The following FBXW7 variants were observed in gnomAD, a reference collection of about 807,000 sequenced individuals.
FBXW7 encodes the protein F-box and WD repeat domain containing 7, also known as F-box/WD repeat-containing protein 7.
In FBXW7, 11 loss-of-function variants were observed where a neutral mutation model predicts 86.3. The ratio of observed to expected loss-of-function variants is 0.13; its 90% CI spans 0.08 to 0.21. The LOEUF (loss-of-function observed/expected upper bound fraction) is 0.21, where lower values mean the gene tolerates loss of function less well. FBXW7 is among the 10% of genes least tolerant of loss of function. The probability of loss-of-function intolerance (pLI) is 1.00; values close to 1 mark genes in which losing one functional copy is unlikely to be tolerated. For missense variants in FBXW7, 488 were observed against 847.4 expected (o/e 0.58, Z 5.27); for synonymous variants, 313 against 297.9 (o/e 1.05, Z -0.52).
At chr4:152,434,924 A>G (rs1393346414) in intron 2 of FBXW7, among the ~76,000 whole-genome samples, 1 of 149,082 alleles carries the variant, frequency 6.7e-6, no homozygotes, top group Admixed American at 6.7e-5. Context: ...AGGGGTTCCT[A>G]ATTCTCTGTT....
At chr4:152,325,652 C>A in intron 12 of FBXW7, 1 of 206,272 alleles carries the variant, frequency 4.8e-6, no homozygotes, top group Non-Finnish European at 9.9e-6. Flanking sequence ...AGCAAAGGGG[C>A]AGCTTTTGGC....
At chr4:152,523,037 G>C (rs1459456162) in intron 2 of FBXW7, among the ~76,000 whole-genome samples, 3 of 152,182 alleles carry the variant, frequency 2.0e-5, no homozygotes, top group Non-Finnish European at 4.4e-5. Flanking sequence ...AGTGACAATT[G>C]AAAGTTCACA....
At chr4:152,425,161 T>G (rs1222714159) in intron 2 of FBXW7, among the ~76,000 whole-genome samples, 1 of 152,258 alleles carries the variant, frequency 6.6e-6, no homozygotes, top group African/African-American at 2.4e-5. Context: ...TATGACAGTG[T>G]CAGCTTCCTC....
intron 2 of FBXW7, among the ~76,000 whole-genome samples, chr4:152,516,541 AAACT>A (rs1415524084): frequency 1.3e-5 from 2 of 152,224 alleles, no homozygotes; most frequent in East Asian, 3.8e-4. Context: ...GAGCGATGGA[AAACT>A]AATACCATAC....
At chr4:152,409,961 T>A (rs548767111) in intron 4 of FBXW7, among the ~76,000 whole-genome samples, 1 of 152,166 alleles carries the variant, frequency 6.6e-6, no homozygotes, top group Middle Eastern at 3.2e-3. Context: ...AAATTTTACA[T>A]CTTGAAGGTA....
At chr4:152,375,337 C>T (rs1560821918) in intron 4 of FBXW7, among the ~76,000 whole-genome samples, 2 of 151,942 alleles carry the variant, frequency 1.3e-5, no homozygotes, top group Admixed American at 6.6e-5. Context: ...AAAAATGAGA[C>T]AACCATAAGA....
At chr4:152,436,304 C>CA (rs773335821) in intron 2 of FBXW7, among the ~76,000 whole-genome samples, 2 of 151,994 alleles carry the variant, frequency 1.3e-5, no homozygotes, top group Non-Finnish European at 2.9e-5. Context: ...TTCCTTAGAC[C>CA]AAAGCTTTAT....
intron 11 of FBXW7, among the ~76,000 whole-genome samples, chr4:152,326,671 T>C (rs944308314): frequency 2.6e-5 from 4 of 152,134 alleles, no homozygotes; most frequent in Non-Finnish European, 5.9e-5. Context: ...TTAAATTTTC[T>C]TTATGTTCTT....
chr4:152,326,967 T>C (rs529866032), intron 11 of FBXW7, among the ~76,000 whole-genome samples: 2 of 152,074 alleles, frequency 1.3e-5, no homozygotes, highest in Non-Finnish European at 2.9e-5. Flanking sequence ...ACAATGGCTA[T>C]CCCTTAAACA....
intron 2 of FBXW7, among the ~76,000 whole-genome samples, chr4:152,501,583 G>C (rs1219800406): frequency 6.6e-6 from 1 of 152,156 alleles, no homozygotes; most frequent in Non-Finnish European, 1.5e-5. Flanking sequence ...TTTAGAAATT[G>C]TATATTCATC....
intron 2 of FBXW7, among the ~76,000 whole-genome samples, chr4:152,518,135 C>A (rs185866066): frequency 6.6e-6 from 1 of 151,958 alleles, no homozygotes; most frequent in African/African-American, 2.4e-5. Context: ...ATTACAGGCA[C>A]GCACCACCAC....
intron 4 of FBXW7, among the ~76,000 whole-genome samples, chr4:152,372,033 G>A (rs138333434): frequency 5.4e-4 from 82 of 151,806 alleles, no homozygotes; most frequent in Non-Finnish European, 1.1e-3. Flanking sequence ...TGGAAATACT[G>A]GGACAATTAA....
chr4:152,390,970 G>GA (rs1560839754), intron 4 of FBXW7, among the ~76,000 whole-genome samples: 1 of 151,848 alleles, frequency 6.6e-6, no homozygotes, highest in Non-Finnish European at 1.5e-5. Flanking sequence ...TACACTTATG[G>GA]AAACATAAAA....
rs2126463048 is a variant in FBXW7, at chr4:152,323,028, G to A, written c.1977C>T (p.Asn659=). ...TCCCCCCACTCTCCAATGTGACTAGGTTTCGAATAAATTCACCCGTTTTCA... is the reference window on the plus strand; with the variant it reads ...TCCCCCCACTCTCCAATGTGACTAGATTTCGAATAAATTCACCCGTTTTCA... ...WDLKTGEFIR[N]LVTLESGGSG... The change falls in exon 14 of 14, where the codon AAC becomes AAT. Residue 659 remains asparagine, a synonymous_variant. Transcript: ENST00000281708. 5 of 1,613,700 alleles carry A rather than the reference G, an allele frequency of 3.1e-6. No homozygotes were observed. Among genetic ancestry groups the A allele is most frequent in the Non-Finnish European group, 4.2e-6 (5 of 1,179,830 alleles).
At chr4:152,369,396 G>A (rs899801157) in intron 4 of FBXW7, among the ~76,000 whole-genome samples, 2 of 152,092 alleles carry the variant, frequency 1.3e-5, no homozygotes, top group Non-Finnish European at 1.5e-5. Flanking sequence ...TGAACTCCAC[G>A]AGGGTGATGG....
At chr4:152,488,379 G>C (rs1319061277) in intron 2 of FBXW7, among the ~76,000 whole-genome samples, 1 of 151,952 alleles carries the variant, frequency 6.6e-6, no homozygotes, top group South Asian at 2.1e-4. Context: ...CACTTCACTT[G>C]TCTAACATAA....
chr4:152,457,893 T>G (rs1433509760), intron 2 of FBXW7, among the ~76,000 whole-genome samples: 1 of 152,020 alleles, frequency 6.6e-6, no homozygotes. Context: ...TGGTACTCAG[T>G]TTCCAATTCA....
chr4:152,518,342 C>A (rs1431234463), intron 2 of FBXW7, among the ~76,000 whole-genome samples: 2 of 152,072 alleles, frequency 1.3e-5, no homozygotes, highest in Non-Finnish European at 2.9e-5. Context: ...CTCACCCAGG[C>A]TAAAGTATAG....
intron 2 of FBXW7, among the ~76,000 whole-genome samples, chr4:152,453,894 T>C (rs1437756246): frequency 6.6e-6 from 1 of 152,170 alleles, no homozygotes; most frequent in African/African-American, 2.4e-5. Context: ...GTCACCTATA[T>C]TTAACAGGTA....
Sources: gnomAD v4.1 joint callset for allele counts (sites outside exome capture counted in the v4.1 genomes callset) on GRCh38, gnomAD v4.1.1 for gene constraint, MANE v1.5 for transcripts, NCBI Gene and HGNC (gene_info 2026-07-23, HGNC 2026-07-21) for gene names.